Variants in CCSER2 observed in about 807,000 individuals in gnomAD.
CCSER2 encodes serine-rich coiled-coil domain-containing protein 2.
A neutral mutation model predicts 92.3 loss-of-function variants in CCSER2; 46 were observed. That is an observed-to-expected ratio of 0.50 (90% CI 0.39 to 0.64). The LOEUF is 0.64. Among genes scored for constraint, CCSER2 ranks in the 30% least tolerant of loss-of-function variants. The pLI is 0.00. For missense variants in CCSER2, 1,244 were observed against 1,238.9 expected, an observed-to-expected ratio of 1.00 and a Z score of -0.06; for synonymous variants, 433 against 431.4, an observed-to-expected ratio of 1.00 and a Z score of -0.04.
At chr10:84,507,011 T>C (rs1849092598) in intron 9 of CCSER2, among the ~76,000 whole-genome samples, 1 of 152,204 alleles carries the variant, frequency 6.6e-6, no homozygotes, top group Admixed American at 6.5e-5. Context: ...GTGATTCCTC[T>C]TAAGTGTGTG....
At chr10:84,340,614 A>T (rs1168092703) in intron 1 of CCSER2, among the ~76,000 whole-genome samples, 5 of 150,430 alleles carry the variant, frequency 3.3e-5, no homozygotes. Flanking sequence ...TTTTGTCTGA[A>T]TTTTTTTCCT....
intron 1 of CCSER2, among the ~76,000 whole-genome samples, chr10:84,334,389 G>T (rs1398242761): frequency 6.6e-6 from 1 of 152,094 alleles, no homozygotes; most frequent in Non-Finnish European, 1.5e-5. Context: ...CTTTTTAAGT[G>T]AATTGACCAA....
intron 9 of CCSER2, among the ~76,000 whole-genome samples, chr10:84,492,372 T>C (rs1043888751): frequency 1.3e-5 from 2 of 149,034 alleles, no homozygotes; most frequent in African/African-American, 2.4e-5. Context: ...TGGAGAGTTT[T>C]TCTGTAGTTT....
At chr10:84,377,517 A>G (rs1343705544) in intron 3 of CCSER2, among the ~76,000 whole-genome samples, 1 of 152,202 alleles carries the variant, frequency 6.6e-6, no homozygotes, top group Non-Finnish European at 1.5e-5. Context: ...TGTCAGTTAT[A>G]TGTTATTTTC....
chr10:84,337,909 A>G (rs1441793020), intron 1 of CCSER2, among the ~76,000 whole-genome samples: 1 of 152,170 alleles, frequency 6.6e-6, no homozygotes, highest in Non-Finnish European at 1.5e-5. Flanking sequence ...ATAGTTGGTT[A>G]TGTATTTGTT....
intron 4 of CCSER2, among the ~76,000 whole-genome samples, chr10:84,424,292 A>C (rs1021530307): frequency 6.6e-5 from 10 of 152,088 alleles, no homozygotes; most frequent in East Asian, 1.9e-4. Flanking sequence ...AAAAAAAAAA[A>C]AAAACTTGGT....
intron 9 of CCSER2, among the ~76,000 whole-genome samples, chr10:84,491,476 G>A (rs1262851491): frequency 2.0e-5 from 3 of 152,150 alleles, no homozygotes; most frequent in African/African-American, 7.2e-5. Flanking sequence ...CCACCTTGCA[G>A]TTCAATCTCA....
chr10:84,358,468 C>CT (rs1312402884), intron 1 of CCSER2, among the ~76,000 whole-genome samples: 1 of 151,756 alleles, frequency 6.6e-6, no homozygotes, highest in Non-Finnish European at 1.5e-5. Flanking sequence ...ATTAATGTTC[C>CT]TCTAGCTCTG....
At chr10:84,491,768 C>T (rs1194088493) in intron 9 of CCSER2, among the ~76,000 whole-genome samples, 1 of 152,092 alleles carries the variant, frequency 6.6e-6, no homozygotes, top group Non-Finnish European at 1.5e-5. Context: ...GTCCAACAAG[C>T]CCCAGTGAGA....
intron 9 of CCSER2, among the ~76,000 whole-genome samples, chr10:84,494,751 A>G (rs1175822462): frequency 2.0e-5 from 3 of 152,082 alleles, no homozygotes. Context: ...GCCATTCATA[A>G]CTCTGAGTCC....
chr10:84,390,493 C>T (rs532726280), intron 3 of CCSER2, among the ~76,000 whole-genome samples: 10 of 152,196 alleles, frequency 6.6e-5, no homozygotes, highest in South Asian at 6.2e-4. Flanking sequence ...GTAACAATAA[C>T]GATATTTGTG....
chr10:84,487,285 T>G (rs1003530164), intron 9 of CCSER2, among the ~76,000 whole-genome samples: 1 of 152,224 alleles, frequency 6.6e-6, no homozygotes, highest in Non-Finnish European at 1.5e-5. Flanking sequence ...GTGAAGAAAG[T>G]AATTGGTAGC....
intron 3 of CCSER2, among the ~76,000 whole-genome samples, chr10:84,408,585 A>G (rs11599016): frequency 0.087 from 13,162 of 152,060 alleles, 745 homozygotes; most frequent in Non-Finnish European, 0.12. Context: ...TTGAGGCTGT[A>G]TTTTTTAACC....
intron 3 of CCSER2, chr10:84,391,089 T>G (rs1247919057): frequency 3.8e-6 from 3 of 780,162 alleles, no homozygotes; most frequent in Non-Finnish European, 7.2e-6. Context: ...TGCTAATGCC[T>G]CCACTGACCC....
At chr10:84,335,443 C>T (rs1007547386) in intron 1 of CCSER2, among the ~76,000 whole-genome samples, 34 of 151,870 alleles carry the variant, frequency 2.2e-4, no homozygotes, top group African/African-American at 7.7e-4. Context: ...AGGGTCTCCC[C>T]ATGTTACCCA....
intron 8 of CCSER2, among the ~76,000 whole-genome samples, chr10:84,473,347 C>G (rs1273445239): frequency 6.6e-6 from 1 of 152,112 alleles, no homozygotes; most frequent in African/African-American, 2.4e-5. Flanking sequence ...TGCAGAGGAG[C>G]TGTGGCCCCG....
intron 1 of CCSER2, among the ~76,000 whole-genome samples, chr10:84,358,952 T>C (rs1440499381): frequency 6.6e-6 from 1 of 152,272 alleles, no homozygotes; most frequent in Non-Finnish European, 1.5e-5. Flanking sequence ...GAGTTGAAAG[T>C]AGAGGAGTTT....
At chr10:84,498,369 A>T (rs1405301896) in intron 9 of CCSER2, among the ~76,000 whole-genome samples, 1 of 152,220 alleles carries the variant, frequency 6.6e-6, no homozygotes, top group South Asian at 2.1e-4. Context: ...AAAAGAAAAA[A>T]GTATAATAAT....
intron 9 of CCSER2, among the ~76,000 whole-genome samples, chr10:84,481,443 C>T (rs1290681421): frequency 6.6e-6 from 1 of 151,384 alleles, no homozygotes; most frequent in African/African-American, 2.4e-5. Context: ...GAGTTTTTTT[C>T]TGCCTGTAGT....
Sources: allele counts gnomAD v4.1 joint callset (sites outside exome capture counted in the v4.1 genomes callset), GRCh38; gene constraint gnomAD v4.1.1; transcripts MANE v1.5; gene names NCBI Gene and HGNC (gene_info 2026-07-23, HGNC 2026-07-21).